TRAP1: variants seen among roughly 807,000 people sequenced by gnomAD.
TRAP1 encodes TNF receptor associated protein 1.
In TRAP1, 102 loss-of-function variants were observed where a neutral mutation model predicts 89.1. The observed-to-expected ratio is 1.15, with a 90% confidence interval of 0.98 to 1.35. The LOEUF is 1.35. Ranked by LOEUF, TRAP1 falls within the 40% of genes most tolerant of loss-of-function variation. The probability of loss-of-function intolerance (pLI) is 0.00; values close to 1 mark genes in which losing one functional copy is unlikely to be tolerated. For missense variants in TRAP1, 1,256 were observed against 945.3 expected (o/e 1.33, Z -4.31); for synonymous variants, 508 against 388.0 (o/e 1.31, Z -3.64).
intron 1 of TRAP1, among the ~76,000 whole-genome samples, chr16:3,707,627 G>A (rs1168144148): frequency 1.3e-5 from 2 of 151,310 alleles, no homozygotes; most frequent in Non-Finnish European, 2.9e-5. Flanking sequence ...GCTGAGGTGG[G>A]TGGATCGCCT....
At chr16:3,706,453 ACT>A (rs2051447278) in intron 1 of TRAP1, among the ~76,000 whole-genome samples, 1 of 107,642 alleles carries the variant, frequency 9.3e-6, no homozygotes. Flanking sequence ...GCCTATTTGC[ACT>A]CTTTTTTTTT....
intron 1 of TRAP1, among the ~76,000 whole-genome samples, chr16:3,697,436 G>T (rs558120404): frequency 6.6e-6 from 1 of 151,888 alleles, no homozygotes; most frequent in Non-Finnish European, 1.5e-5. Context: ...AGGCCGAGGC[G>T]GGAGGATCAC....
chr16:3,663,117 C>A, intron 14 of TRAP1, 150 bp from the exon 15 acceptor site: 1 of 701,312 alleles, frequency 1.4e-6, no homozygotes, highest in African/African-American at 1.8e-5. Context: ...AAAAGTAAAA[C>A]CTCAAAGGAT....
intron 17 of TRAP1, 51 bp from the exon 18 acceptor site, chr16:3,658,281 A>ATTTT: frequency 8.2e-7 from 1 of 1,216,394 alleles, no homozygotes; most frequent in Non-Finnish European, 1.2e-6. Context: ...GCACCTTTTC[A>ATTTT]TTTTTTTTTT....
At chr16:3,703,228 C>A (rs1394789238) in intron 1 of TRAP1, among the ~76,000 whole-genome samples, 1 of 150,858 alleles carries the variant, frequency 6.6e-6, no homozygotes, top group Admixed American at 6.6e-5. Context: ...TCTTTTTTGG[C>A]AAGATCTTTT....
At chr16:3,668,274 G>A (rs1194295164) in intron 11 of TRAP1, among the ~76,000 whole-genome samples, 1 of 151,486 alleles carries the variant, frequency 6.6e-6, no homozygotes, top group East Asian at 2.0e-4. Flanking sequence ...TGGCTAGGCT[G>A]GTCTCGAACT....
In TRAP1 at chr16:3,663,210, G is replaced by A. The variant is rs934745468; in HGVS notation, c.1708+214C>T. 27 of 705,648 alleles carry A rather than the reference G, an allele frequency of 3.8e-5. No individual in the cohort carries two copies. The Admixed American group carries it at 7.7e-4, about 20-fold the overall frequency. The allele number at this position is 705,648 out of a possible 1,614,324, so 43.7% of individuals were successfully genotyped here. Reference sequence around the variant, plus strand: ...CTCTCAAGAAGCTGGGCCAGCTCCAGAAGCCACCGTGGCAGGAGCACTGGA... The same window carrying A: ...CTCTCAAGAAGCTGGGCCAGCTCCAAAAGCCACCGTGGCAGGAGCACTGGA... On this transcript the variant is annotated intron_variant, in intron 14 of 17. Transcript: ENST00000246957.
At chr16:3,691,245 CCTT>C (rs2051210540) in intron 1 of TRAP1, 1 of 287,514 alleles carries the variant, frequency 3.5e-6, no homozygotes. Flanking sequence ...TGGGCTGCTG[CCTT>C]CTTTTCAGAG....
intron 4 of TRAP1, among the ~76,000 whole-genome samples, chr16:3,685,651 G>A (rs573212135): frequency 6.6e-6 from 1 of 152,160 alleles, no homozygotes; most frequent in East Asian, 1.9e-4. Context: ...CATTTTGAGG[G>A]GAAAACGCAG....
In TRAP1 at chr16:3,658,820, A is replaced by G. The variant is rs2042885430; in HGVS notation, c.1986T>C (p.Pro662=). The G allele has an allele frequency of 1.2e-6, 2 of 1,613,836 alleles. No homozygotes were observed. The highest frequency in any genetic ancestry group is 1.1e-5 in the South Asian group (1 of 91,060). The part of the protein sequence containing the change: ...KKLNQLRASE[P]GLAQLLVDQI... The stretch of plus-strand genomic sequence containing the variant: ...GATCCACCAGCAGCTGAGCCAGGCC[A>G]GGCTCGCTTGCGCGCAGCTGATTCA... Residue 662 remains proline, a synonymous_variant, in exon 17 of 18, where the codon CCT becomes CCC. Transcript: ENST00000246957.
At chr16:3,703,043 G>GAAAA (rs36093237) in intron 1 of TRAP1, among the ~76,000 whole-genome samples, 2 of 43,508 alleles carry the variant, frequency 4.6e-5, no homozygotes, top group Non-Finnish European at 8.6e-5. Flanking sequence ...ACTCCGTCTT[G>GAAAA]AAAAAAAAAA....
At position 3,682,660 on chromosome 16, in the gene TRAP1, T is replaced by C. The variant is rs181409259; in HGVS notation, c.472-2870A>G. Among the ~76,000 whole-genome samples the C allele has an allele frequency of 1.1e-3, 164 of 152,200 alleles. 1 individual carries two copies. The highest frequency in any genetic ancestry group is 3.6e-3 in the African/African-American group (151 of 41,562). On this transcript the variant is annotated intron_variant, in intron 4 of 17. Transcript: ENST00000246957. ...TGCCCGCCACGGCCTCCCAAAGTGC[T>C]AGGATTACAGGCGTGAGCCACCATG...
At chr16:3,706,638 T>A (rs2051451209) in intron 1 of TRAP1, among the ~76,000 whole-genome samples, 1 of 151,732 alleles carries the variant, frequency 6.6e-6, no homozygotes, top group South Asian at 2.1e-4. Context: ...TTTAAAAATT[T>A]TTTTTCGAGA....
intron 1 of TRAP1, among the ~76,000 whole-genome samples, chr16:3,697,710 C>A (rs2051308605): frequency 6.7e-6 from 1 of 149,928 alleles, no homozygotes; most frequent in Non-Finnish European, 1.5e-5. Flanking sequence ...TAAAAGCCTT[C>A]CTCACTCTAA....
chr16:3,675,900 C>T (rs1338875466), intron 7 of TRAP1, 136 bp downstream of exon 7: 16 of 733,552 alleles, frequency 2.2e-5, no homozygotes, highest in Admixed American at 5.9e-5. Flanking sequence ...CTCCCAGTCC[C>T]GCAGCGGCTC....
chr16:3,670,124 C>T (rs893538716), intron 11 of TRAP1, among the ~76,000 whole-genome samples: 10 of 151,424 alleles, frequency 6.6e-5, no homozygotes, highest in East Asian at 2.0e-4. Flanking sequence ...GGCTCAAACC[C>T]GTAATCCCAG....
intron 3 of TRAP1, chr16:3,686,859 T>C (rs375823495): frequency 6.6e-6 from 1 of 152,156 alleles, no homozygotes; most frequent in African/African-American, 2.4e-5. Flanking sequence ...TAATCCCAGC[T>C]ACTCAGGAGG....
chr16:3,661,919 C>G (rs2043099168), intron 16 of TRAP1, 68 bp downstream of exon 16: 1 of 1,505,880 alleles, frequency 6.6e-7, no homozygotes, highest in Non-Finnish European at 8.9e-7. Flanking sequence ...CATTCCACAA[C>G]AAAAGAACAC....
chr16:3,663,002 G>A (rs752583169), intron 14 of TRAP1, 35 bp from the exon 15 acceptor site: 7 of 1,535,830 alleles, frequency 4.6e-6, no homozygotes, highest in Non-Finnish European at 8.8e-7. Flanking sequence ...GCTCAGGCCT[G>A]CATCCCAACT....
Sources: allele counts gnomAD v4.1 joint callset (sites outside exome capture counted in the v4.1 genomes callset), GRCh38; gene constraint gnomAD v4.1.1; transcripts MANE v1.5; gene names NCBI Gene and HGNC (gene_info 2026-07-23, HGNC 2026-07-21).